Variants in MMS22L observed in about 807,000 individuals in gnomAD.
MMS22L encodes the protein MMS22 like, DNA repair protein, also known as protein MMS22-like.
MMS22L carries 74 observed loss-of-function variants against 159.1 expected under a neutral mutation model. The observed-to-expected ratio is 0.47, with a 90% confidence interval of 0.39 to 0.56. The LOEUF is 0.56. Among genes scored for constraint, MMS22L ranks in the 20% least tolerant of loss-of-function variants. The probability of loss-of-function intolerance (pLI) is 0.00; values close to 1 mark genes in which losing one functional copy is unlikely to be tolerated. For synonymous variants in MMS22L, 517 were observed against 506.9 expected (o/e 1.02, Z -0.27); for missense variants, 1,351 against 1,422.1 (o/e 0.95, Z 0.80).
At chr6:97,187,466 A>G (rs547064708) in intron 14 of MMS22L, among the ~76,000 whole-genome samples, 1 of 152,282 alleles carries the variant, frequency 6.6e-6, no homozygotes, top group South Asian at 2.1e-4. Context: ...ACCCACTGAT[A>G]ATATGATTAT....
chr6:97,243,548 C>T (rs549778667), intron 11 of MMS22L, among the ~76,000 whole-genome samples: 11 of 152,146 alleles, frequency 7.2e-5, no homozygotes, highest in East Asian at 3.9e-4. Flanking sequence ...CCTTAAGTAA[C>T]GTTAAGAATC....
intron 18 of MMS22L, among the ~76,000 whole-genome samples, chr6:97,175,324 C>T (rs1021246910): frequency 1.3e-5 from 2 of 152,062 alleles, no homozygotes; most frequent in African/African-American, 2.4e-5. Flanking sequence ...TGGTATGCTG[C>T]AGATGAAGAA....
chr6:97,209,875 A>G (rs528190290), intron 14 of MMS22L, among the ~76,000 whole-genome samples: 1 of 152,114 alleles, frequency 6.6e-6, no homozygotes, highest in Non-Finnish European at 1.5e-5. Context: ...AAGCAGCTCT[A>G]TATAAGCAGA....
At chr6:97,254,986 T>C (rs945913854) in intron 9 of MMS22L, among the ~76,000 whole-genome samples, 27 of 149,986 alleles carry the variant, frequency 1.8e-4, no homozygotes, top group Non-Finnish European at 2.8e-4. Flanking sequence ...ATCATTTCCT[T>C]GCTTTTTTGT....
chr6:97,185,532 A>G (rs987498162), intron 15 of MMS22L, among the ~76,000 whole-genome samples: 1 of 152,164 alleles, frequency 6.6e-6, no homozygotes, highest in African/African-American at 2.4e-5. Flanking sequence ...TCTATTAATG[A>G]CTGCTTAAAC....
At chr6:97,188,235 T>C (rs111380677) in intron 14 of MMS22L, among the ~76,000 whole-genome samples, 1 of 152,222 alleles carries the variant, frequency 6.6e-6, no homozygotes, top group East Asian at 1.9e-4. Flanking sequence ...TACCACCATT[T>C]CTACTGCCCT....
chr6:97,213,798 C>G (rs568039880), intron 14 of MMS22L, among the ~76,000 whole-genome samples: 50 of 152,062 alleles, frequency 3.3e-4, no homozygotes, highest in South Asian at 6.2e-4. Flanking sequence ...TAGTGGGGTA[C>G]CTATACTAAC....
At chr6:97,257,770 C>T (rs1426954979) in intron 9 of MMS22L, among the ~76,000 whole-genome samples, 3 of 152,028 alleles carry the variant, frequency 2.0e-5, no homozygotes, top group Admixed American at 1.3e-4. Flanking sequence ...TACATGATAT[C>T]AATCTGTCCT....
chr6:97,213,875 C>T (rs1410340936), intron 14 of MMS22L, among the ~76,000 whole-genome samples: 1 of 152,124 alleles, frequency 6.6e-6, no homozygotes, highest in East Asian at 1.9e-4. Context: ...CCTATCATTT[C>T]ACCACAGGCT....
chr6:97,271,531 C>T (rs569207786), intron 6 of MMS22L: 42 of 152,204 alleles, frequency 2.8e-4, no homozygotes, highest in African/African-American at 9.9e-4. Flanking sequence ...TAATTAAAAG[C>T]AATTACCTAT....
At chr6:97,191,253 T>C (rs1430663051) in intron 14 of MMS22L, among the ~76,000 whole-genome samples, 1 of 152,106 alleles carries the variant, frequency 6.6e-6, no homozygotes, top group African/African-American at 2.4e-5. Flanking sequence ...GTCTCTCAGT[T>C]TCTGCTCCTC....
At chr6:97,238,239 C>T (rs1197477924) in intron 11 of MMS22L, among the ~76,000 whole-genome samples, 1 of 152,156 alleles carries the variant, frequency 6.6e-6, no homozygotes, top group Non-Finnish European at 1.5e-5. Flanking sequence ...AAGCAGAGTG[C>T]TTGCACAGGG....
intron 23 of MMS22L, among the ~76,000 whole-genome samples, chr6:97,150,760 A>C (rs1801242614): frequency 6.6e-6 from 1 of 152,170 alleles, no homozygotes; most frequent in Admixed American, 6.6e-5. Flanking sequence ...GGTATCAAAG[A>C]TCCAACATAG....
At chr6:97,247,431 T>C (rs1385929646) in intron 10 of MMS22L, among the ~76,000 whole-genome samples, 2 of 151,868 alleles carry the variant, frequency 1.3e-5, no homozygotes, top group East Asian at 3.9e-4. Flanking sequence ...AAAAAAACGG[T>C]ATAAAAAGTA....
At chr6:97,168,277 T>C (rs1803183684) in intron 19 of MMS22L, 37 bp from the exon 20 acceptor site, 2 of 1,584,092 alleles carry the variant, frequency 1.3e-6, no homozygotes, top group Non-Finnish European at 1.7e-6. Context: ...GTTGTTGTTA[T>C]CCTCTGACCA....
At chr6:97,279,718 G>A (rs998190790) in intron 3 of MMS22L, among the ~76,000 whole-genome samples, 1 of 151,290 alleles carries the variant, frequency 6.6e-6, no homozygotes, top group Non-Finnish European at 1.5e-5. Flanking sequence ...CTCGGGAGGC[G>A]GAAGTTGCAG....
intron 22 of MMS22L, among the ~76,000 whole-genome samples, chr6:97,152,220 A>G (rs890138194): frequency 4.5e-4 from 69 of 152,138 alleles, no homozygotes; most frequent in Non-Finnish European, 6.2e-4. Context: ...GCTGATTTAC[A>G]GACAGGCAGA....
chr6:97,164,888 G>C (rs1282698443), intron 21 of MMS22L, among the ~76,000 whole-genome samples: 1 of 151,846 alleles, frequency 6.6e-6, no homozygotes, highest in African/African-American at 2.4e-5. Context: ...CAAAGGGCTG[G>C]GATTATAGGT....
At chr6:97,251,281 G>A (rs181785578) in intron 10 of MMS22L, among the ~76,000 whole-genome samples, 1 of 152,090 alleles carries the variant, frequency 6.6e-6, no homozygotes, top group African/African-American at 2.4e-5. Context: ...GATAAAATAG[G>A]GTGATATTTA....
Sources: allele counts gnomAD v4.1 joint callset (sites outside exome capture counted in the v4.1 genomes callset), GRCh38; gene constraint gnomAD v4.1.1; transcripts MANE v1.5; gene names NCBI Gene and HGNC (gene_info 2026-07-23, HGNC 2026-07-21).